Variants in CCSER1 observed in about 807,000 individuals in gnomAD.
CCSER1 encodes the protein serine-rich coiled-coil domain-containing protein 1.
CCSER1 carries 41 observed loss-of-function variants against 82.0 expected under a neutral mutation model. That is an observed-to-expected ratio of 0.50 (90% CI 0.39 to 0.65). CCSER1 has a LOEUF of 0.65. CCSER1 is among the 30% of genes least tolerant of loss of function. The pLI is 0.00. For missense variants in CCSER1, 1,119 were observed against 1,064.2 expected, an observed-to-expected ratio of 1.05 and a Z score of -0.72; for synonymous variants, 414 against 383.9, an observed-to-expected ratio of 1.08 and a Z score of -0.92.
intron 10 of CCSER1, among the ~76,000 whole-genome samples, chr4:91,253,205 A>C (rs534495944): frequency 6.6e-6 from 1 of 152,262 alleles, no homozygotes; most frequent in Non-Finnish European, 1.5e-5. Context: ...GACCTATATG[A>C]TGATCTACTG....
intron 1 of CCSER1, among the ~76,000 whole-genome samples, chr4:90,293,239 A>C (rs1014014656): frequency 2.6e-5 from 4 of 151,806 alleles, no homozygotes; most frequent in Non-Finnish European, 5.9e-5. Flanking sequence ...ATAAATTTGA[A>C]TTGATATATA....
At chr4:90,365,597 A>T (rs1746149943) in intron 3 of CCSER1, among the ~76,000 whole-genome samples, 1 of 151,862 alleles carries the variant, frequency 6.6e-6, no homozygotes, top group Admixed American at 6.6e-5. Context: ...CAAAATTAAT[A>T]GGTAAACACT....
intron 10 of CCSER1, among the ~76,000 whole-genome samples, chr4:91,115,891 A>G (rs1726547026): frequency 7.2e-6 from 1 of 138,220 alleles, no homozygotes; most frequent in African/African-American, 2.7e-5. Flanking sequence ...GTTCTAGGGT[A>G]CATGTGCACA....
chr4:90,485,333 G>A (rs1375403000), intron 5 of CCSER1, among the ~76,000 whole-genome samples: 2 of 152,168 alleles, frequency 1.3e-5, no homozygotes, highest in South Asian at 2.1e-4. Context: ...CAGGTGAGTC[G>A]ATGCCTCGCT....
At chr4:90,718,492 A>T (rs1315060967) in intron 6 of CCSER1, among the ~76,000 whole-genome samples, 1 of 152,174 alleles carries the variant, frequency 6.6e-6, no homozygotes. Flanking sequence ...GCACCTTAAT[A>T]GTACCCAAAC....
At chr4:91,288,892 G>A (rs1743529443) in intron 10 of CCSER1, among the ~76,000 whole-genome samples, 1 of 151,994 alleles carries the variant, frequency 6.6e-6, no homozygotes, top group Non-Finnish European at 1.5e-5. Flanking sequence ...CGTAGTGCCT[G>A]CTTTAAGACT....
At chr4:90,708,545 TTTTC>T (rs1268168331) in intron 6 of CCSER1, among the ~76,000 whole-genome samples, 2 of 152,128 alleles carry the variant, frequency 1.3e-5, no homozygotes, top group African/African-American at 4.8e-5. Flanking sequence ...CTTCCAAATA[TTTTC>T]TTTGTTTTAT....
intron 10 of CCSER1, among the ~76,000 whole-genome samples, chr4:91,353,137 G>C (rs919785972): frequency 3.9e-5 from 6 of 152,190 alleles, no homozygotes; most frequent in African/African-American, 1.2e-4. Flanking sequence ...ATAAGCTGCA[G>C]ACAAAACCTC....
chr4:90,567,609 AT>A (rs34322120), intron 5 of CCSER1, among the ~76,000 whole-genome samples: 40,076 of 123,202 alleles, frequency 0.33, 4,947 homozygotes, highest in East Asian at 0.45. Flanking sequence ...TTTTTTAATG[AT>A]TTTTTTTTTT....
intron 8 of CCSER1, among the ~76,000 whole-genome samples, chr4:90,875,358 A>G (rs1326046794): frequency 6.6e-6 from 1 of 152,184 alleles, no homozygotes; most frequent in Non-Finnish European, 1.5e-5. Context: ...ATTTTAGAAT[A>G]TCCATAAATA....
At chr4:91,234,766 C>G (rs1365376281) in intron 10 of CCSER1, among the ~76,000 whole-genome samples, 5 of 152,092 alleles carry the variant, frequency 3.3e-5, no homozygotes, top group Non-Finnish European at 7.4e-5. Flanking sequence ...TAAATAATTT[C>G]TCCCTGGGGT....
chr4:90,649,875 G>A (rs1364455882), intron 6 of CCSER1, among the ~76,000 whole-genome samples: 1 of 152,132 alleles, frequency 6.6e-6, no homozygotes, highest in Non-Finnish European at 1.5e-5. Context: ...GGGAGGCAGA[G>A]GTGGGTGGAT....
intron 1 of CCSER1, among the ~76,000 whole-genome samples, chr4:90,241,203 T>C (rs1746772794): frequency 6.6e-6 from 1 of 152,156 alleles, no homozygotes; most frequent in African/African-American, 2.4e-5. Context: ...ACAACCACTA[T>C]TGTGGTTTAG....
At chr4:91,298,758 T>C (rs1362950494) in intron 10 of CCSER1, among the ~76,000 whole-genome samples, 1 of 151,988 alleles carries the variant, frequency 6.6e-6, no homozygotes, top group Non-Finnish European at 1.5e-5. Flanking sequence ...AGTCCTAATA[T>C]ACAGAACCAA....
intron 10 of CCSER1, among the ~76,000 whole-genome samples, chr4:91,119,908 A>G (rs1726937991): frequency 6.6e-6 from 1 of 152,040 alleles, no homozygotes; most frequent in South Asian, 2.1e-4. Context: ...AAGATTTGCC[A>G]TGGATGGGGA....
chr4:90,634,667 G>A (rs75063707), intron 6 of CCSER1, among the ~76,000 whole-genome samples: 7,379 of 151,726 alleles, frequency 0.049, 264 homozygotes, highest in Non-Finnish European at 0.073. Flanking sequence ...TTCAGCAATG[G>A]ATAATTAGAG....
At chr4:91,405,838 G>A (rs1752666322) in intron 10 of CCSER1, among the ~76,000 whole-genome samples, 1 of 152,158 alleles carries the variant, frequency 6.6e-6, no homozygotes, top group Non-Finnish European at 1.5e-5. Context: ...GTGAGGCAAT[G>A]CCCCACCCTG....
intron 3 of CCSER1, among the ~76,000 whole-genome samples, chr4:90,334,134 C>T (rs1304702385): frequency 6.6e-6 from 1 of 151,990 alleles, no homozygotes; most frequent in East Asian, 1.9e-4. Context: ...GCAATTTAGA[C>T]CAAGAGAAAT....
chr4:90,216,126 G>A (rs1477668363), intron 1 of CCSER1, among the ~76,000 whole-genome samples: 1 of 152,154 alleles, frequency 6.6e-6, no homozygotes, highest in African/African-American at 2.4e-5. Flanking sequence ...TCAAATGTGT[G>A]GTGGTTCTTG....
Sources: gnomAD v4.1 joint callset for allele counts (sites outside exome capture counted in the v4.1 genomes callset) on GRCh38, gnomAD v4.1.1 for gene constraint, MANE v1.5 for transcripts, NCBI Gene and HGNC (gene_info 2026-07-23, HGNC 2026-07-21) for gene names.